Variants in PSD3 observed in about 807,000 individuals in gnomAD.
PSD3 encodes the protein PH and SEC7 domain-containing protein 3.
PSD3 carries 49 observed loss-of-function variants against 105.5 expected under a neutral mutation model. The ratio of observed to expected loss-of-function variants is 0.46; its 90% CI spans 0.37 to 0.59. The LOEUF (loss-of-function observed/expected upper bound fraction) is 0.59, where lower values mean the gene tolerates loss of function less well. PSD3 is among the 20% of genes least tolerant of loss of function. The pLI is 0.00. For synonymous variants in PSD3, 557 were observed against 457.8 expected, an observed-to-expected ratio of 1.22 and a Z score of -2.77; for missense variants, 1,561 against 1,263.8, an observed-to-expected ratio of 1.24 and a Z score of -3.57.
chr8:18,744,313 A>C (rs2129435533), intron 9 of PSD3, among the ~76,000 whole-genome samples: 1 of 152,290 alleles, frequency 6.6e-6, no homozygotes, highest in South Asian at 2.1e-4. Context: ...AATTTCCCCA[A>C]GGTCACAGAA....
At chr8:18,556,453 T>C (rs1054838094) in intron 14 of PSD3, 101 bp from the exon 15 acceptor site, 1 of 1,240,390 alleles carries the variant, frequency 8.1e-7, no homozygotes, top group Non-Finnish European at 1.1e-6. Flanking sequence ...TGACTTTAAT[T>C]CACTAAAACA....
chr8:18,850,714 C>T (rs1046740010), intron 4 of PSD3, among the ~76,000 whole-genome samples: 2 of 152,136 alleles, frequency 1.3e-5, no homozygotes, highest in Non-Finnish European at 2.9e-5. Context: ...ACAAAAAGGT[C>T]TTGTAGCTCA....
At chr8:18,990,142 T>G (rs1825711717) in intron 1 of PSD3, among the ~76,000 whole-genome samples, 1 of 152,248 alleles carries the variant, frequency 6.6e-6, no homozygotes, top group African/African-American at 2.4e-5. Context: ...GCTCACTGAT[T>G]AATCCCTCTG....
chr8:18,790,066 T>C (rs1407778908), intron 8 of PSD3, among the ~76,000 whole-genome samples: 4 of 151,864 alleles, frequency 2.6e-5, no homozygotes, highest in Admixed American at 1.3e-4. Flanking sequence ...AGTGGGAGGC[T>C]AGAGGGTGGG....
intron 2 of PSD3, among the ~76,000 whole-genome samples, chr8:18,894,430 A>G (rs1430489772): frequency 6.6e-6 from 1 of 152,162 alleles, no homozygotes; most frequent in Non-Finnish European, 1.5e-5. Flanking sequence ...CATCTCCCCT[A>G]GGCTTCAGGC....
At chr8:18,701,835 G>A (rs1372620506) in intron 9 of PSD3, among the ~76,000 whole-genome samples, 1 of 152,116 alleles carries the variant, frequency 6.6e-6, no homozygotes, top group Non-Finnish European at 1.5e-5. Context: ...TACGTACAAA[G>A]TAGAGATTTA....
At chr8:19,060,656 A>G (rs1029221699) in intron 1 of PSD3, among the ~76,000 whole-genome samples, 2 of 152,208 alleles carry the variant, frequency 1.3e-5, no homozygotes, top group African/African-American at 4.8e-5. Flanking sequence ...CAACAGCAAC[A>G]AATGTCAATA....
intron 9 of PSD3, among the ~76,000 whole-genome samples, chr8:18,753,083 A>C (rs528746721): frequency 7.2e-5 from 11 of 152,146 alleles, no homozygotes; most frequent in African/African-American, 2.6e-4. Flanking sequence ...GATGATGAGC[A>C]TGGTGGTTCA....
chr8:18,889,798 T>G (rs1016982215), intron 2 of PSD3, among the ~76,000 whole-genome samples: 4 of 152,080 alleles, frequency 2.6e-5, no homozygotes, highest in Non-Finnish European at 4.4e-5. Flanking sequence ...CATGTACAAA[T>G]TTTAGAACAA....
chr8:18,882,061 A>C (rs1818139766), intron 2 of PSD3, among the ~76,000 whole-genome samples: 1 of 152,048 alleles, frequency 6.6e-6, no homozygotes, highest in South Asian at 2.1e-4. Context: ...TTAAAAACTT[A>C]GCCAGGTGTG....
At chr8:18,896,331 C>T (rs909941564) in intron 2 of PSD3, among the ~76,000 whole-genome samples, 2 of 152,126 alleles carry the variant, frequency 1.3e-5, no homozygotes, top group African/African-American at 2.4e-5. Context: ...TGGATATATA[C>T]CAAGTGGTAG....
intron 11 of PSD3, among the ~76,000 whole-genome samples, chr8:18,622,390 C>G (rs995047198): frequency 1.3e-5 from 2 of 152,176 alleles, no homozygotes; most frequent in African/African-American, 4.8e-5. Context: ...CAATGTGCTT[C>G]TACCACTGTG....
At chr8:18,927,582 G>A (rs1179085433) in intron 2 of PSD3, among the ~76,000 whole-genome samples, 1 of 152,158 alleles carries the variant, frequency 6.6e-6, no homozygotes, top group Non-Finnish European at 1.5e-5. Context: ...TTAACCTTCA[G>A]CCCTTCGCTC....
At chr8:18,981,688 T>TC in intron 1 of PSD3, among the ~76,000 whole-genome samples, 1 of 152,296 alleles carries the variant, frequency 6.6e-6, no homozygotes, top group African/African-American at 2.4e-5. Flanking sequence ...AATATAAAAG[T>TC]TGTTGACACT....
At chr8:18,594,634 C>A (rs1395160708) in intron 12 of PSD3, among the ~76,000 whole-genome samples, 1 of 150,614 alleles carries the variant, frequency 6.6e-6, no homozygotes, top group African/African-American at 2.4e-5. Flanking sequence ...TAAACAGAGA[C>A]AGGACTTGGT....
rs1209695596 is a variant in PSD3, at chr8:18,532,211, A to G, written c.*3532T>C. 2 of 152,252 alleles carry G rather than the reference A, an allele frequency of 1.3e-5. No individual in the cohort carries two copies. The highest frequency in any genetic ancestry group is 2.4e-5 in the African/African-American group (1 of 41,466). 9.4% of individuals were successfully genotyped at this position (152,252 alleles called of 1,614,324 possible). A position where few individuals can be genotyped will look rare whatever the true frequency, so the allele number is the denominator to read the frequency against. On this transcript the variant is annotated 3_prime_UTR_variant, in exon 16 of 16. Coordinates refer to ENST00000327040, the MANE Select transcript of PSD3 (RefSeq NM_015310.4). ...GAGGGAGCAATAGGCAAAGGACAGT[A>G]GAAAAGCTCAGTGTAACTTTGTGTT...
At chr8:18,745,591 T>C (rs1804945397) in intron 9 of PSD3, among the ~76,000 whole-genome samples, 1 of 152,150 alleles carries the variant, frequency 6.6e-6, no homozygotes, top group Non-Finnish European at 1.5e-5. Flanking sequence ...AACCAACCAA[T>C]TCTCCACAGA....
At chr8:19,071,498 G>C (rs1829260853) in intron 1 of PSD3, among the ~76,000 whole-genome samples, 1 of 152,040 alleles carries the variant, frequency 6.6e-6, no homozygotes, top group African/African-American at 2.4e-5. Flanking sequence ...AAATGTTCTG[G>C]GTAGAAGAAG....
In PSD3 at chr8:18,529,979, T is replaced by G. The variant is rs1799565924; in HGVS notation, c.*5764A>C. ...AATAGTTTGAGACTATAGAGTTAAT[T>G]AACAACAACAAAAAAATGCCTCAAG... is the stretch of plus-strand genomic sequence containing the variant. On this transcript the variant is annotated 3_prime_UTR_variant, in exon 16 of 16. Coordinates refer to ENST00000327040, the MANE Select transcript of PSD3 (RefSeq NM_015310.4). 6.6e-6 allele frequency: 1 copy of G among 152,268 alleles called. No homozygotes were observed. Among genetic ancestry groups the G allele is most frequent in the South Asian group, 2.1e-4 (1 of 4,826 alleles). 9.4% of individuals were successfully genotyped at this position (152,268 alleles called of 1,614,324 possible).
Sources: allele counts gnomAD v4.1 joint callset (sites outside exome capture counted in the v4.1 genomes callset), GRCh38; gene constraint gnomAD v4.1.1; transcripts MANE v1.5; gene names NCBI Gene and HGNC (gene_info 2026-07-23, HGNC 2026-07-21).